Variants in CDC42 observed in about 807,000 individuals in gnomAD.
The protein encoded by CDC42 is cell division control protein 42 homolog.
Under a neutral mutation model 20.8 loss-of-function variants are expected in CDC42, and 1 was observed. The ratio of observed to expected loss-of-function variants is 0.05; its 90% CI spans 0.02 to 0.23. The LOEUF is 0.23. Among genes scored for constraint, CDC42 ranks in the 10% least tolerant of loss-of-function variants. The pLI is 1.00. For synonymous variants in CDC42, 72 were observed against 84.8 expected (o/e 0.85, Z 0.83); for missense variants, 49 against 227.9 (o/e 0.21, Z 5.05).
chr1:22,070,756 G>A (rs951113262), intron 1 of CDC42, among the ~76,000 whole-genome samples: 11 of 151,614 alleles, frequency 7.3e-5, no homozygotes, highest in African/African-American at 1.9e-4. Flanking sequence ...GAGCCACCAC[G>A]CCTGGCCTTC....
chr1:22,097,538 G>A lies in CDC42; in HGVS notation c.*6021G>A, dbSNP rs115302725. Among the ~76,000 whole-genome samples the A allele has an allele frequency of 5.0e-3, 759 of 152,306 alleles. 4 individuals are homozygous for A. Among genetic ancestry groups the A allele is most frequent in the Non-Finnish European group, 8.3e-3 (567 of 68,022 alleles). ...ATTATAGGCGTGAGCCACTGCGCCC[G>A]GCCTGAAATGTGTATTCTTAAGTCC... On this transcript the variant is annotated 3_prime_UTR_variant, in exon 6 of 6. Coordinates refer to ENST00000656825, the MANE Select transcript of CDC42 (RefSeq NM_001791.4).
intron 1 of CDC42, among the ~76,000 whole-genome samples, chr1:22,075,338 T>C (rs967801668): frequency 2.0e-4 from 31 of 152,208 alleles, no homozygotes; most frequent in African/African-American, 7.2e-4. Flanking sequence ...TTTGACTACA[T>C]TTGTGCTGAG....
chr1:22,097,690 A>G lies in CDC42; in HGVS notation c.*6173A>G, dbSNP rs907361642. ...AGAACTAGCTTGGAACAGAATGGGT[A>G]AACTTCTGTGAAGTTAGACACTTGC... On this transcript the variant is annotated 3_prime_UTR_variant, in exon 6 of 6. Coordinates refer to ENST00000656825, the MANE Select transcript of CDC42 (RefSeq NM_001791.4). 6.6e-6 allele frequency among the ~76,000 whole-genome samples: 1 copy of G among 152,248 alleles called. No homozygotes were observed. The highest frequency in any genetic ancestry group is 1.5e-5 in the Non-Finnish European group (1 of 68,038).
intron 1 of CDC42, among the ~76,000 whole-genome samples, chr1:22,071,306 A>C (rs1313770354): frequency 1.3e-5 from 2 of 152,012 alleles, no homozygotes; most frequent in African/African-American, 4.8e-5. Context: ...GGCCTCCCAA[A>C]GTGCTGGGAT....
At chr1:22,074,163 GC>G in intron 1 of CDC42, 1 of 152,036 alleles carries the variant, frequency 6.6e-6, no homozygotes, top group Non-Finnish European at 1.5e-5. Flanking sequence ...GTGCGCCTCT[GC>G]CCCCCGAGTT....
intron 1 of CDC42, among the ~76,000 whole-genome samples, chr1:22,061,093 A>G (rs1281452072): frequency 6.6e-6 from 1 of 152,228 alleles, no homozygotes; most frequent in Admixed American, 6.5e-5. Context: ...AGACATTTCC[A>G]TGGGCTTGGG....
intron 1 of CDC42, among the ~76,000 whole-genome samples, chr1:22,072,365 G>A (rs773675510): frequency 9.2e-5 from 14 of 151,874 alleles, no homozygotes; most frequent in Non-Finnish European, 1.8e-4. Flanking sequence ...CCAAAGTGCT[G>A]GGATTACAGG....
chr1:22,084,335 G>GTTTTTTTTTTTTTTTTTTT (rs61584354), intron 3 of CDC42, among the ~76,000 whole-genome samples: 4 of 80,690 alleles, frequency 5.0e-5, no homozygotes, highest in Non-Finnish European at 9.0e-5. Flanking sequence ...CTTATTTCCT[G>GTTTTTTTTTTTTTTTTTTT]TTTTTTTTTT....
chr1:22,083,030 C>T (rs1391879003), intron 3 of CDC42, among the ~76,000 whole-genome samples: 1 of 151,894 alleles, frequency 6.6e-6, no homozygotes, highest in Non-Finnish European at 1.5e-5. Context: ...CAGGCATGCG[C>T]CACCATACCC....
chr1:22,059,911 G>A (rs1209602173), intron 1 of CDC42, among the ~76,000 whole-genome samples: 1 of 152,148 alleles, frequency 6.6e-6, no homozygotes, highest in African/African-American at 2.4e-5. Flanking sequence ...TTAACTATAT[G>A]GTGTAGGAGA....
chr1:22,093,493 T>A lies in CDC42; in HGVS notation c.*1976T>A, dbSNP rs1645735268. Among the ~76,000 whole-genome samples the A allele has an allele frequency of 6.6e-6, 1 of 152,224 alleles. No individual in the cohort carries two copies. The stretch of plus-strand genomic sequence containing the variant: ...CTTTAGGTAGCAAGAAAGGTTTATT[T>A]ACCTTTAGGACATTATACTGATCTG... On this transcript the variant is annotated 3_prime_UTR_variant, in exon 6 of 6. Transcript: ENST00000656825.
intron 2 of CDC42, among the ~76,000 whole-genome samples, chr1:22,081,274 C>T (rs943502607): frequency 6.6e-6 from 1 of 152,132 alleles, no homozygotes; most frequent in African/African-American, 2.4e-5. Context: ...TAACAAGGCT[C>T]ATCTTTTCTA....
chr1:22,073,152 A>G (rs1247485617), intron 1 of CDC42, among the ~76,000 whole-genome samples: 1 of 152,140 alleles, frequency 6.6e-6, no homozygotes, highest in Non-Finnish European at 1.5e-5. Context: ...AGGGTTCCAT[A>G]ACCTTTTAAA....
chr1:22,075,324 T>C (rs1463413021), intron 1 of CDC42, among the ~76,000 whole-genome samples: 1 of 152,208 alleles, frequency 6.6e-6, no homozygotes, highest in Admixed American at 6.5e-5. Context: ...ATGGTAACTC[T>C]ACATTTGACT....
At chr1:22,062,730 TAAAAAAAAAAAAAAAA>T (rs531472151) in intron 1 of CDC42, among the ~76,000 whole-genome samples, 7 of 69,402 alleles carry the variant, frequency 1.0e-4, no homozygotes, top group African/African-American at 2.4e-4. Context: ...TGGCTCTATT[TAAAAAAAAAAAAAAAA>T]AAAAAAAAAA....
At chr1:22,077,420 A>G (rs1161492568) in intron 1 of CDC42, among the ~76,000 whole-genome samples, 3 of 152,192 alleles carry the variant, frequency 2.0e-5, no homozygotes, top group Non-Finnish European at 4.4e-5. Flanking sequence ...CTATAGGAGC[A>G]TGGTGGCATC....
chr1:22,072,091 CTT>C (rs55929932), intron 1 of CDC42, among the ~76,000 whole-genome samples: 30,895 of 72,154 alleles, frequency 0.43, 4,228 homozygotes, highest in East Asian at 0.62. Flanking sequence ...TTTTACTTAC[CTT>C]TTTTTTTTTT....
chr1:22,094,540 G>A lies in CDC42; in HGVS notation c.*3023G>A, dbSNP rs1455793957. ...TCTCGATCTCCTGACCTCGTGATCC[G>A]CCCGCCTCGGCCTCCCAAAGTGCTG... On this transcript the variant is annotated 3_prime_UTR_variant, in exon 6 of 6. Coordinates refer to ENST00000656825, the MANE Select transcript of CDC42 (RefSeq NM_001791.4). 1.6e-4 allele frequency among the ~76,000 whole-genome samples: 24 copies of A among 147,768 alleles called. No homozygotes were observed. The highest frequency in any genetic ancestry group is 1.5e-3 in the Admixed American group (23 of 15,040).
rs1407317206 is a variant in CDC42 at position 22,091,430 on chromosome 1, A to G, written c.489A>G (p.Lys163=). 6.2e-7 allele frequency: 1 copy of G among 1,605,156 alleles called. No homozygotes were observed. Among genetic ancestry groups the G allele is most frequent in the Non-Finnish European group, 8.5e-7 (1 of 1,175,394 alleles). Reference sequence around the variant, plus strand: ...TTTTTCTTTCTACCCCTTTTCAGAAAGGCCTAAAGAATGTATTTGACGAAG... The same window carrying G: ...TTTTTCTTTCTACCCCTTTTCAGAAGGGCCTAAAGAATGTATTTGACGAAG... The part of the protein sequence containing the change: ...KYVECSALTQ[K]GLKNVFDEAI... Residue 163 remains lysine (K), a splice_region_variant and synonymous_variant, in exon 6 of 6, where the codon AAA becomes AAG. Transcript: ENST00000656825.
Sources: allele counts gnomAD v4.1 joint callset (sites outside exome capture counted in the v4.1 genomes callset), GRCh38; gene constraint gnomAD v4.1.1; transcripts MANE v1.5; gene names NCBI Gene and HGNC (gene_info 2026-07-23, HGNC 2026-07-21).